The following TMEM181 variants were observed in gnomAD, a reference collection of about 807,000 sequenced individuals.
TMEM181 encodes transmembrane protein 181.
A neutral mutation model predicts 71.9 loss-of-function variants in TMEM181; 39 were observed. The ratio of observed to expected loss-of-function variants is 0.54; its 90% CI spans 0.42 to 0.71. The LOEUF (loss-of-function observed/expected upper bound fraction) is 0.71, where lower values mean the gene tolerates loss of function less well. TMEM181 is among the 30% of genes least tolerant of loss of function. The pLI is 0.00. For missense variants in TMEM181, 595 were observed against 583.0 expected (o/e 1.02, Z -0.21); for synonymous variants, 245 against 228.8 (o/e 1.07, Z -0.64).
In TMEM181 at chr6:158,634,985, G is replaced by C. The variant is rs760416006; in HGVS notation, c.*3097G>C. 4 of 151,664 alleles carry C rather than the reference G, an allele frequency of 2.6e-5. No homozygotes were observed. Among genetic ancestry groups the C allele is most frequent in the Non-Finnish European group, 4.4e-5 (3 of 67,928 alleles). The allele number at this position is 151,664 out of a possible 1,614,324, so 9.4% of individuals were successfully genotyped here. A position where few individuals can be genotyped will look rare whatever the true frequency, so the allele number is the denominator to read the frequency against. The stretch of plus-strand genomic sequence containing the variant: ...ACATGAAAGTGTATTTGTGTATTTT[G>C]AGGGTTTTAGAAACCGGTTGCCTTA... On this transcript the variant is annotated 3_prime_UTR_variant, in exon 17 of 17. Transcript: ENST00000684151.
Position 158,608,240 on chromosome 6 carries a change from T to A in TMEM181, c.674-93T>A, listed in dbSNP as rs889661059. The A allele has an allele frequency of 6.2e-6, 5 of 805,506 alleles. No homozygotes were observed. The African/African-American group carries it at 1.2e-4, about 19-fold the overall frequency. 49.9% of individuals were successfully genotyped at this position (805,506 alleles called of 1,614,324 possible). On this transcript the variant is annotated intron_variant, in intron 8 of 16. Coordinates refer to ENST00000684151, the MANE Select transcript of TMEM181 (RefSeq NM_001376852.1). The stretch of plus-strand genomic sequence containing the variant: ...CCCCGCAGAGGTATGGGGTGCTCTC[T>A]GCTAGGTGCTGACCCCGCAGAGGTA...
At chr6:158,578,139 A>G (rs1006074308) in intron 2 of TMEM181, among the ~76,000 whole-genome samples, 1 of 152,188 alleles carries the variant, frequency 6.6e-6, no homozygotes, top group African/African-American at 2.4e-5. Context: ...TCAGTCAAGA[A>G]TCCTACGTGT....
intron 7 of TMEM181, among the ~76,000 whole-genome samples, chr6:158,606,719 G>A (rs981184662): frequency 1.3e-5 from 2 of 152,224 alleles, no homozygotes; most frequent in African/African-American, 4.8e-5. Flanking sequence ...CGCATCCTCT[G>A]ACCTTTGTTA....
intron 6 of TMEM181, 74 bp from the exon 7 acceptor site, chr6:158,605,193 T>G (rs1017811403): frequency 9.4e-6 from 10 of 1,064,868 alleles, no homozygotes; most frequent in African/African-American, 3.1e-5. Flanking sequence ...GAGATAACTA[T>G]TAGTAATCTG....
At chr6:158,604,311 A>G (rs75147167) in intron 6 of TMEM181, among the ~76,000 whole-genome samples, 2,014 of 149,410 alleles carry the variant, frequency 0.013, 41 homozygotes, top group African/African-American at 0.047. Flanking sequence ...AGTGTCTTAA[A>G]TCATCCTTGT....
intron 15 of TMEM181, 107 bp downstream of exon 15, chr6:158,629,926 C>G: frequency 1.1e-6 from 1 of 909,018 alleles, no homozygotes. Flanking sequence ...CGCTGTGATT[C>G]CCAGTGACTT....
At chr6:158,561,468 CTG>C (rs1470124903) in intron 1 of TMEM181, among the ~76,000 whole-genome samples, 2 of 152,206 alleles carry the variant, frequency 1.3e-5, no homozygotes, top group Admixed American at 1.3e-4. Context: ...TCTTGTGGAA[CTG>C]TGGCCTTGTA....
rs560617776 is a variant in TMEM181 at position 158,560,293 on chromosome 6, G to A, written c.8+61G>A. On this transcript the variant is annotated intron_variant, in intron 1 of 16. Transcript: ENST00000684151. ...CTCCGGACACTCCGGCCGAAAGTTG[G>A]GGATCCCTGGCTCCCGGCGCCGTGC... The A allele has an allele frequency of 3.8e-5, 37 of 985,276 alleles. No homozygotes were observed. In the Admixed American group the frequency reaches 1.8e-3, roughly 49 times the overall value. The allele number at this position is 985,276 out of a possible 1,614,324, so 61.0% of individuals were successfully genotyped here.
At position 158,625,680 on chromosome 6, in the gene TMEM181, TAATG is replaced by T. The variant is rs761038045; in HGVS notation, c.1058-21_1058-18del. 6.3e-6 allele frequency: 10 copies of T among 1,592,570 alleles called. No individual in the cohort carries two copies. Among genetic ancestry groups the T allele is most frequent in the Non-Finnish European group, 2.6e-6 (3 of 1,171,060 alleles). Reference sequence around the variant, plus strand: ...AAGTGGAATTTACTTCCAGAGTTGTTAATGAGTTTCTTTCTTTTTCAGATCTCAG... The same window carrying T: ...AAGTGGAATTTACTTCCAGAGTTGTTAGTTTCTTTCTTTTTCAGATCTCAG... On this transcript the variant is annotated intron_variant, in intron 12 of 16. Transcript: ENST00000684151.
At chr6:158,584,175 T>C (rs1783632224) in intron 4 of TMEM181, 131 bp downstream of exon 4, 3 of 735,266 alleles carry the variant, frequency 4.1e-6, no homozygotes, top group Non-Finnish European at 6.2e-6. Flanking sequence ...TTATTATTTA[T>C]CATAGCAACA....
intron 1 of TMEM181, among the ~76,000 whole-genome samples, chr6:158,554,994 CT>C (rs944039370): frequency 6.6e-6 from 1 of 152,178 alleles, no homozygotes; most frequent in Non-Finnish European, 1.5e-5. Flanking sequence ...CTTTTTTCAG[CT>C]TTAAATGAGT....
chr6:158,561,660 A>G (rs1163261897), intron 1 of TMEM181, among the ~76,000 whole-genome samples: 1 of 152,170 alleles, frequency 6.6e-6, no homozygotes, highest in East Asian at 1.9e-4. Flanking sequence ...AGGACAGGGA[A>G]CTAGACCAAA....
chr6:158,544,384 G>A (rs1401643469), intron 1 of TMEM181, among the ~76,000 whole-genome samples: 3 of 152,054 alleles, frequency 2.0e-5, no homozygotes, highest in African/African-American at 7.2e-5. Flanking sequence ...CAACCTAAAG[G>A]TGGATCAGGA....
At chr6:158,561,691 AG>A (rs1278102110) in intron 1 of TMEM181, among the ~76,000 whole-genome samples, 1 of 152,196 alleles carries the variant, frequency 6.6e-6, no homozygotes, top group Non-Finnish European at 1.5e-5. Context: ...GACCAAGGAA[AG>A]GTCCCGAGGA....
At chr6:158,608,510 C>T (rs1281773564) in intron 9 of TMEM181, 47 bp downstream of exon 9, 14 of 1,613,318 alleles carry the variant, frequency 8.7e-6, no homozygotes, top group African/African-American at 4.0e-5. Flanking sequence ...CAGACTGTGT[C>T]CTCCCTCCCG....
chr6:158,551,625 C>T (rs1454807388), intron 1 of TMEM181, among the ~76,000 whole-genome samples: 3 of 152,112 alleles, frequency 2.0e-5, no homozygotes, highest in African/African-American at 7.2e-5. Context: ...CTGACAGCAT[C>T]ACATCAGGAC....
Position 158,571,291 on chromosome 6 carries a change from G to C in TMEM181, c.9-2129G>C, listed in dbSNP as rs190093624. ...TTTTGTGTTTTTTAGTAAAGACGGG[G>C]TTTCACCGTGTTAGCAGGATGGTCT... On this transcript the variant is annotated intron_variant, in intron 1 of 16. Coordinates refer to ENST00000684151, the MANE Select transcript of TMEM181 (RefSeq NM_001376852.1). Among the ~76,000 whole-genome samples the C allele has an allele frequency of 1.6e-3, 233 of 148,584 alleles. 3 individuals are homozygous for C. The highest frequency in any genetic ancestry group is 5.1e-3 in the South Asian group (24 of 4,696).
rs374166832 is a variant in TMEM181 at position 158,629,778 on chromosome 6, C to T, written c.1241C>T (p.Thr414Ile). 6.2e-7 allele frequency: 1 copy of T among 1,613,992 alleles called. No individual in the cohort carries two copies. Among genetic ancestry groups the T allele is most frequent in the Non-Finnish European group, 8.5e-7 (1 of 1,179,912 alleles). The change falls in exon 15 of 17, where the codon ACC becomes ATC. Residue 414 changes from threonine to isoleucine, a missense_variant. By Grantham distance (89) the Thr-to-Ile change is moderately conservative. Coordinates refer to ENST00000684151, the MANE Select transcript of TMEM181 (RefSeq NM_001376852.1). Reference sequence around the variant, plus strand: ...GGCCTGTTGAACTTCTATCTCTACACCTTGGCCTTTGTATATTCTCCATCG... The same window carrying T: ...GGCCTGTTGAACTTCTATCTCTACATCTTGGCCTTTGTATATTCTCCATCG... Reference protein sequence around the residue: ...FYGLLNFYLYTLAFVYSPSKN... With the variant: ...FYGLLNFYLYILAFVYSPSKN...
At chr6:158,589,411 C>CG (rs1783975107) in intron 5 of TMEM181, among the ~76,000 whole-genome samples, 1 of 152,158 alleles carries the variant, frequency 6.6e-6, no homozygotes, top group South Asian at 2.1e-4. Flanking sequence ...CTTTCTTACA[C>CG]GGTGACTTAT....
Sources: gnomAD v4.1 joint callset for allele counts (sites outside exome capture counted in the v4.1 genomes callset) on GRCh38, gnomAD v4.1.1 for gene constraint, MANE v1.5 for transcripts, NCBI Gene and HGNC (gene_info 2026-07-23, HGNC 2026-07-21) for gene names.